The following OCRL variants were observed in gnomAD, a reference collection of about 807,000 sequenced individuals.
The protein encoded by OCRL is inositol polyphosphate 5-phosphatase OCRL.
Under a neutral mutation model 78.9 loss-of-function variants are expected in OCRL, and 8 were observed. The observed-to-expected ratio is 0.10, with a 90% CI of 0.06 to 0.18. OCRL has a LOEUF of 0.18. Ranked by LOEUF, OCRL falls within the 10% of genes least tolerant of loss-of-function variation. The pLI, the probability that OCRL is intolerant of heterozygous loss-of-function variation, is 1.00. For missense variants in OCRL, 454 were observed against 696.7 expected (o/e 0.65, Z 3.92); for synonymous variants, 240 against 235.4 (o/e 1.02, Z -0.18).
At chrX:129,568,181 G>T (rs766301776) in intron 14 of OCRL, among the ~76,000 whole-genome samples, 1 of 111,432 alleles carries the variant, frequency 9.0e-6, no homozygotes, top group East Asian at 2.9e-4. Context: ...CTCCCAAAGT[G>T]CTGGGATTAC....
chrX:129,584,538 A>C (rs950692938), intron 19 of OCRL, among the ~76,000 whole-genome samples, 171 bp downstream of exon 19: 6 of 111,884 alleles, frequency 5.4e-5, no homozygotes, highest in African/African-American at 2.0e-4. Context: ...CAGGAAAGAT[A>C]TTTACTGTAG....
chrX:129,544,033 G>A (rs1477755709), intron 2 of OCRL, among the ~76,000 whole-genome samples: 3 of 110,389 alleles, frequency 2.7e-5, no homozygotes, highest in Non-Finnish European at 3.8e-5. Flanking sequence ...GGTTCTGCTT[G>A]GGGGTACTGA....
At position 129,560,777 on chromosome X, in the gene OCRL, G is replaced by T; in HGVS notation, c.824+126G>T. 2 of 469,252 alleles carry T rather than the reference G, an allele frequency of 4.3e-6. 1 individual carries two copies. The highest frequency in any genetic ancestry group is 5.9e-5 in the South Asian group (2 of 33,833). 38.7% of individuals were successfully genotyped at this position (469,252 alleles called of 1,213,427 possible). ...AGACTATACACGAGAGTTAACTTGCGGGTCAAATTTGTGAGAACAGAAATG... is the reference window on the plus strand; with the variant it reads ...AGACTATACACGAGAGTTAACTTGCTGGTCAAATTTGTGAGAACAGAAATG... On this transcript the variant is annotated intron_variant, in intron 9 of 23. Transcript: ENST00000371113.
intron 17 of OCRL, 32 bp from the exon 18 acceptor site, chrX:129,576,285 C>T (rs1244717828): frequency 8.7e-7 from 1 of 1,150,134 alleles, no homozygotes; most frequent in Admixed American, 2.2e-5. Flanking sequence ...TGGAGGTTTT[C>T]CTATTACCAT....
intron 15 of OCRL, among the ~76,000 whole-genome samples, chrX:129,571,579 G>A (rs747563903): frequency 1.8e-5 from 2 of 109,410 alleles, no homozygotes; most frequent in African/African-American, 6.7e-5. Flanking sequence ...TGGTCCACCC[G>A]CCTCAGCCTC....
In OCRL at chrX:129,589,008, C is replaced by A. The variant is rs1602819835; in HGVS notation, c.2464C>A (p.Arg822=). ...LDSAYDPRIC[R]QVISQLPRCH... is the part of the protein sequence containing the mutation. ...CTCTGCTTATGATCCCCGGATCTGCCGACAGGTGGGTTCTACTGACCTGGG... is the reference window on the plus strand; with the variant it reads ...CTCTGCTTATGATCCCCGGATCTGCAGACAGGTGGGTTCTACTGACCTGGG... The change falls in exon 22 of 24, where the codon CGA becomes AGA. Residue 822 remains arginine, a synonymous_variant. Coordinates refer to ENST00000371113, the MANE Select transcript of OCRL (RefSeq NM_000276.4). 2 of 1,209,911 alleles carry A rather than the reference C, an allele frequency of 1.7e-6. No individual in the cohort carries two copies. Among genetic ancestry groups the A allele is most frequent in the Non-Finnish European group, 2.2e-6 (2 of 895,100 alleles).
At chrX:129,546,731 C>A (rs1240822306) in intron 3 of OCRL, among the ~76,000 whole-genome samples, 1 of 111,834 alleles carries the variant, frequency 8.9e-6, no homozygotes, top group Non-Finnish European at 1.9e-5. Flanking sequence ...CCTTTTTACT[C>A]TACCTCTAGG....
chrX:129,559,446 G>A (rs750735741), intron 8 of OCRL, among the ~76,000 whole-genome samples: 4 of 111,798 alleles, frequency 3.6e-5, no homozygotes, highest in South Asian at 7.5e-4. Context: ...CAATCCACCC[G>A]CCTTGGCCTC....
intron 18 of OCRL, among the ~76,000 whole-genome samples, chrX:129,577,959 C>T (rs1936392861): frequency 9.0e-6 from 1 of 111,645 alleles, no homozygotes; most frequent in South Asian, 3.7e-4. Context: ...TATTTCCCAG[C>T]TTTCTTTGTT....
chrX:129,565,939 A>C (rs1936211497), intron 13 of OCRL, 56 bp downstream of exon 13: 1 of 807,680 alleles, frequency 1.2e-6, no homozygotes, highest in African/African-American at 2.0e-5. Context: ...AGATTGTTAG[A>C]GTTATGGGAG....
chrX:129,559,008 G>A lies in OCRL; in HGVS notation c.722+7G>A, dbSNP rs1269835374. 2 of 1,206,226 alleles carry A rather than the reference G, an allele frequency of 1.7e-6. No individual in the cohort carries two copies. The highest frequency in any genetic ancestry group is 2.2e-6 in the Non-Finnish European group (2 of 892,267). ...TCAACATTCAGACTTTCAGGTTAGT[G>A]TCTCTTTTGCTTCCTGAGTCTAAAA... On this transcript the variant is annotated splice_region_variant and intron_variant, in intron 8 of 23. Transcript: ENST00000371113.
rs1380755597 is a variant in OCRL at position 129,540,412 on chromosome X, T to C, written c.-28T>C. 4 of 1,151,573 alleles carry C rather than the reference T, an allele frequency of 3.5e-6. No homozygotes were observed. Among genetic ancestry groups the C allele is most frequent in the Non-Finnish European group, 4.6e-6 (4 of 868,796 alleles). The allele number at this position is 1,151,573 out of a possible 1,213,427, so 94.9% of individuals were successfully genotyped here. ...GTCGTCGGATCGGCCCGCAGTCCGCTGTCCTGCTGAGCCCGGAGGCCGCCT... is the reference window on the plus strand; with the variant it reads ...GTCGTCGGATCGGCCCGCAGTCCGCCGTCCTGCTGAGCCCGGAGGCCGCCT... On this transcript the variant is annotated 5_prime_UTR_variant, in exon 1 of 24. Coordinates refer to ENST00000371113, the MANE Select transcript of OCRL (RefSeq NM_000276.4).
chrX:129,557,115 T>C (rs1936064310), intron 4 of OCRL, among the ~76,000 whole-genome samples: 1 of 110,751 alleles, frequency 9.0e-6, no homozygotes, highest in African/African-American at 3.3e-5. Context: ...GCCTTAGGAG[T>C]TCTCACTTCC....
chrX:129,568,860 T>G (rs752192667), intron 14 of OCRL, among the ~76,000 whole-genome samples: 1 of 112,699 alleles, frequency 8.9e-6, no homozygotes, highest in East Asian at 2.8e-4. Context: ...TTGTGAAGTG[T>G]TGTTGATGCT....
At chrX:129,547,674 G>A (rs911509445) in intron 3 of OCRL, among the ~76,000 whole-genome samples, 5 of 111,148 alleles carry the variant, frequency 4.5e-5, no homozygotes, top group African/African-American at 9.8e-5. Flanking sequence ...TAATAATATC[G>A]AGACTACTTT....
chrX:129,575,307 A>G (rs1936354937), intron 16 of OCRL, 57 bp downstream of exon 16: 3 of 802,359 alleles, frequency 3.7e-6, no homozygotes. Flanking sequence ...GCACAGAAGA[A>G]ACTGCTACTT....
chrX:129,563,407 A>G (rs1301048435), intron 12 of OCRL, among the ~76,000 whole-genome samples: 1 of 111,430 alleles, frequency 9.0e-6, no homozygotes, highest in African/African-American at 3.3e-5. Flanking sequence ...ATTGATACTC[A>G]CTTGTTTTTT....
intron 13 of OCRL, 75 bp from the exon 14 acceptor site, chrX:129,567,179 T>G: frequency 2.9e-6 from 2 of 688,494 alleles, no homozygotes; most frequent in South Asian, 4.5e-5. Context: ...ATAGGAACAG[T>G]GGCTTATCAA....
intron 15 of OCRL, among the ~76,000 whole-genome samples, chrX:129,572,316 C>G (rs1469287857): frequency 9.0e-6 from 1 of 111,563 alleles, no homozygotes; most frequent in African/African-American, 3.3e-5. Flanking sequence ...ACATAAAGAC[C>G]TAGCTCATTG....
Sources: allele counts gnomAD v4.1 joint callset (sites outside exome capture counted in the v4.1 genomes callset), GRCh38; gene constraint gnomAD v4.1.1; transcripts MANE v1.5; gene names NCBI Gene and HGNC (gene_info 2026-07-23, HGNC 2026-07-21).